Variants in PDE4D observed in about 807,000 individuals in gnomAD.
PDE4D encodes 3',5'-cyclic-AMP phosphodiesterase 4D.
In PDE4D, 24 loss-of-function variants were observed where a neutral mutation model predicts 87.4. That is an observed-to-expected ratio of 0.27 (90% confidence interval 0.20 to 0.39). PDE4D has a LOEUF of 0.39. PDE4D is among the 10% of genes least tolerant of loss of function. PDE4D has a pLI of 1.00. For missense variants in PDE4D, 714 were observed against 1,041.0 expected (o/e 0.69, Z 4.32); for synonymous variants, 384 against 383.2 (o/e 1.00, Z -0.02).
At chr5:59,536,500 G>A (rs71627965) in intron 1 of PDE4D, among the ~76,000 whole-genome samples, 1 of 55,994 alleles carries the variant, frequency 1.8e-5, no homozygotes, top group Admixed American at 3.1e-4. Context: ...GCAAGACTCA[G>A]CCTCAAAAAA....
rs868517155 is a variant in PDE4D at position 59,144,895 on chromosome 5, G to A, written c.808+35700C>T. Reference sequence around the variant, plus strand: ...TTCCCTTTAATAGGGTTTAATGGGGGGGGGGGGGGGAACCATCCAGAAGCT... The same window carrying A: ...TTCCCTTTAATAGGGTTTAATGGGGAGGGGGGGGGGAACCATCCAGAAGCT... On this transcript the variant is annotated intron_variant, in intron 5 of 14. Transcript: ENST00000340635. Among the ~76,000 whole-genome samples the A allele has an allele frequency of 1.6e-3, 222 of 142,210 alleles. 7 individuals carry two copies. Among genetic ancestry groups the A allele is most frequent in the Middle Eastern group, 3.6e-3 (1 of 274 alleles). 93.3% of individuals were successfully genotyped at this position (142,210 alleles called of 152,430 possible). A position where few individuals can be genotyped will look rare whatever the true frequency, so the allele number is the denominator to read the frequency against.
intron 1 of PDE4D, among the ~76,000 whole-genome samples, chr5:59,634,495 T>G (rs1373897217): frequency 6.6e-6 from 1 of 152,056 alleles, no homozygotes; most frequent in African/African-American, 2.4e-5. Flanking sequence ...AATAAAACAC[T>G]CCTCAGCAAA....
intron 1 of PDE4D, among the ~76,000 whole-genome samples, chr5:59,724,824 T>C (rs76204044): frequency 0.019 from 2,929 of 152,268 alleles, 41 homozygotes; most frequent in Non-Finnish European, 0.031. Context: ...TTTGTGTACT[T>C]GAGGTTTTAT....
intron 2 of PDE4D, among the ~76,000 whole-genome samples, chr5:59,990,702 T>C (rs1028166166): frequency 1.3e-5 from 2 of 152,240 alleles, no homozygotes; most frequent in African/African-American, 4.8e-5. Flanking sequence ...TTACATATAC[T>C]GTCTCATTTA....
chr5:60,147,505 C>A (rs1048985802), intron 2 of PDE4D, among the ~76,000 whole-genome samples: 1 of 152,214 alleles, frequency 6.6e-6, no homozygotes, highest in Non-Finnish European at 1.5e-5. Flanking sequence ...TTCTTACATT[C>A]ACTTTTCTTT....
intron 2 of PDE4D, among the ~76,000 whole-genome samples, chr5:60,168,157 T>C (rs1046941148): frequency 7.2e-5 from 11 of 152,230 alleles, no homozygotes; most frequent in African/African-American, 2.7e-4. Flanking sequence ...ACTCTGGCTA[T>C]AACAAGATTT....
chr5:59,823,422 A>G (rs948221384), intron 1 of PDE4D, among the ~76,000 whole-genome samples: 3 of 152,182 alleles, frequency 2.0e-5, no homozygotes, highest in African/African-American at 7.2e-5. Flanking sequence ...GAATGCAAGA[A>G]TGGAGGGAAG....
chr5:59,229,253 T>A (rs936965906), intron 1 of PDE4D, among the ~76,000 whole-genome samples: 1 of 152,316 alleles, frequency 6.6e-6, no homozygotes, highest in Non-Finnish European at 1.5e-5. Flanking sequence ...TACATGGGTA[T>A]CTTTAGACGC....
intron 1 of PDE4D, among the ~76,000 whole-genome samples, chr5:59,630,948 A>G (rs1228576966): frequency 1.3e-5 from 2 of 152,132 alleles, no homozygotes; most frequent in Admixed American, 1.3e-4. Flanking sequence ...TGTAGCTAAC[A>G]ATTTCTATGT....
At chr5:60,218,582 A>G (rs779271174) in intron 1 of PDE4D, among the ~76,000 whole-genome samples, 7 of 152,084 alleles carry the variant, frequency 4.6e-5, no homozygotes, top group Non-Finnish European at 8.8e-5. Context: ...TGAGGATTCA[A>G]AAGTGTAAGA....
intron 2 of PDE4D, among the ~76,000 whole-genome samples, chr5:60,091,898 A>G (rs1775156858): frequency 6.6e-6 from 1 of 151,650 alleles, no homozygotes; most frequent in African/African-American, 2.4e-5. Flanking sequence ...TAAAAATACA[A>G]AAATTAGCCG....
At chr5:59,515,037 T>A (rs1398307431) in intron 1 of PDE4D, among the ~76,000 whole-genome samples, 1 of 152,234 alleles carries the variant, frequency 6.6e-6, no homozygotes, top group Non-Finnish European at 1.5e-5. Context: ...CATGAAAGGC[T>A]TTAAACATGA....
At chr5:60,023,432 C>A (rs939744245) in intron 2 of PDE4D, among the ~76,000 whole-genome samples, 1 of 152,086 alleles carries the variant, frequency 6.6e-6, no homozygotes. Context: ...CAGTTGCATT[C>A]CCCCCACCAA....
chr5:59,402,336 A>G (rs892876438), intron 1 of PDE4D, among the ~76,000 whole-genome samples: 9 of 152,226 alleles, frequency 5.9e-5, no homozygotes, highest in African/African-American at 2.2e-4. Flanking sequence ...TGAGAGCTGA[A>G]GTGAGATAAT....
chr5:60,139,708 T>A (rs1213338693), intron 2 of PDE4D, among the ~76,000 whole-genome samples: 1 of 152,014 alleles, frequency 6.6e-6, no homozygotes, highest in Non-Finnish European at 1.5e-5. Flanking sequence ...TCTGTTTTTC[T>A]CAAACTATAA....
intron 1 of PDE4D, among the ~76,000 whole-genome samples, chr5:60,246,374 G>A (rs554848383): frequency 2.7e-4 from 41 of 151,750 alleles, no homozygotes; most frequent in Admixed American, 5.3e-4. Flanking sequence ...GTCAGATACT[G>A]CCTCTTCCCA....
chr5:59,318,512 A>C (rs1774144436), intron 1 of PDE4D, among the ~76,000 whole-genome samples: 1 of 152,144 alleles, frequency 6.6e-6, no homozygotes, highest in Non-Finnish European at 1.5e-5. Flanking sequence ...GAATATATGC[A>C]ATAGGGTTAA....
At chr5:59,683,261 G>C (rs1182081948) in intron 1 of PDE4D, among the ~76,000 whole-genome samples, 4 of 152,158 alleles carry the variant, frequency 2.6e-5, no homozygotes, top group Admixed American at 6.5e-5. Context: ...AGATATGAGA[G>C]ACAGAGATTG....
rs549160892 is a variant in PDE4D, at chr5:59,443,901, T to C, written c.456-227933A>G. 2.6e-5 allele frequency among the ~76,000 whole-genome samples: 4 copies of C among 151,024 alleles called. No individual in the cohort carries two copies. The South Asian group carries it at 6.2e-4, about 23-fold the overall frequency. ...GGAAAAAAAATCACAGAATTTCATA[T>C]GGAAATTTTTTTAAAGAGAGAAAAC... On this transcript the variant is annotated intron_variant, in intron 1 of 14. Transcript: ENST00000340635.
Sources: gnomAD v4.1 joint callset for allele counts (sites outside exome capture counted in the v4.1 genomes callset) on GRCh38, gnomAD v4.1.1 for gene constraint, MANE v1.5 for transcripts, NCBI Gene and HGNC (gene_info 2026-07-23, HGNC 2026-07-21) for gene names.